Variants in CALCR observed in about 807,000 individuals in gnomAD.
The protein encoded by CALCR is calcitonin receptor.
In CALCR, 47 loss-of-function variants were observed where a neutral mutation model predicts 59.5. The ratio of observed to expected loss-of-function variants is 0.79; its 90% CI spans 0.63 to 1.01. The LOEUF is 1.01. CALCR is among the 50% of genes least tolerant of loss of function. The pLI, the probability that CALCR is intolerant of heterozygous loss-of-function variation, is 0.00. For synonymous variants in CALCR, 213 were observed against 211.3 expected, an observed-to-expected ratio of 1.01 and a Z score of -0.07; for missense variants, 566 against 597.1, an observed-to-expected ratio of 0.95 and a Z score of 0.54.
chr7:93,472,258 T>C, intron 6 of CALCR, 117 bp downstream of exon 6: 1 of 636,500 alleles, frequency 1.6e-6, no homozygotes, highest in South Asian at 2.0e-5. Context: ...TATCATATGA[T>C]TTCTTTCCAC....
At chr7:93,439,201 G>C (rs1014392048) in intron 9 of CALCR, among the ~76,000 whole-genome samples, 1 of 152,104 alleles carries the variant, frequency 6.6e-6, no homozygotes, top group Non-Finnish European at 1.5e-5. Context: ...ATACAAAAAG[G>C]GGTCTCAAAA....
At chr7:93,458,301 A>G (rs1800249123) in intron 8 of CALCR, among the ~76,000 whole-genome samples, 1 of 152,190 alleles carries the variant, frequency 6.6e-6, no homozygotes, top group African/African-American at 2.4e-5. Context: ...TGCTCTGGGC[A>G]GATTTCACGC....
intron 7 of CALCR, among the ~76,000 whole-genome samples, chr7:93,467,919 A>G (rs12154758): frequency 0.37 from 55,484 of 151,336 alleles, 11,611 homozygotes; most frequent in South Asian, 0.49. Context: ...AGTTTCTAAC[A>G]TTTTTACTGA....
At chr7:93,514,818 G>A (rs1490473265) in intron 2 of CALCR, among the ~76,000 whole-genome samples, 2 of 151,960 alleles carry the variant, frequency 1.3e-5, no homozygotes, top group Non-Finnish European at 2.9e-5. Flanking sequence ...CTATTATTCA[G>A]AGACAATAGC....
chr7:93,556,842 A>G (rs981176963), intron 2 of CALCR, among the ~76,000 whole-genome samples: 2 of 152,070 alleles, frequency 1.3e-5, no homozygotes, highest in African/African-American at 4.8e-5. Flanking sequence ...AATACTACAA[A>G]TGATATTGCA....
At chr7:93,525,848 C>T (rs1043529820) in intron 2 of CALCR, among the ~76,000 whole-genome samples, 1 of 152,120 alleles carries the variant, frequency 6.6e-6, no homozygotes, top group Admixed American at 6.6e-5. Flanking sequence ...TTAAAAGTGA[C>T]TGATTTTGGA....
intron 9 of CALCR, among the ~76,000 whole-genome samples, chr7:93,442,664 G>A (rs1360072224): frequency 6.6e-6 from 1 of 152,118 alleles, no homozygotes; most frequent in Non-Finnish European, 1.5e-5. Flanking sequence ...TCCCCAGCCT[G>A]CTGCATTAAA....
intron 2 of CALCR, among the ~76,000 whole-genome samples, chr7:93,539,255 G>T (rs1789068417): frequency 6.6e-6 from 1 of 152,032 alleles, no homozygotes; most frequent in African/African-American, 2.4e-5. Flanking sequence ...AGCATATGAT[G>T]ATCTACATTT....
intron 2 of CALCR, among the ~76,000 whole-genome samples, chr7:93,528,280 A>T (rs956759700): frequency 1.3e-5 from 2 of 152,212 alleles, no homozygotes; most frequent in African/African-American, 4.8e-5. Flanking sequence ...TGAGAAATTT[A>T]AAATTTTTTT....
At chr7:93,501,663 C>T (rs540562476) in intron 2 of CALCR, among the ~76,000 whole-genome samples, 3 of 152,052 alleles carry the variant, frequency 2.0e-5, no homozygotes, top group Non-Finnish European at 4.4e-5. Flanking sequence ...CATCTTGTAT[C>T]TCCTCACCTC....
intron 2 of CALCR, among the ~76,000 whole-genome samples, chr7:93,552,519 C>G (rs576661723): frequency 1.3e-5 from 2 of 152,176 alleles, no homozygotes; most frequent in South Asian, 2.1e-4. Context: ...CTTTGTGAAC[C>G]CATTGATAGG....
intron 3 of CALCR, 120 bp downstream of exon 3, chr7:93,486,811 G>A: frequency 1.4e-6 from 1 of 701,382 alleles, no homozygotes; most frequent in Non-Finnish European, 2.5e-6. Flanking sequence ...GAGGAACTTA[G>A]TTTCGGCTTC....
intron 2 of CALCR, among the ~76,000 whole-genome samples, chr7:93,499,683 T>C (rs775998833): frequency 1.3e-5 from 2 of 151,798 alleles, no homozygotes; most frequent in African/African-American, 4.8e-5. Context: ...GGTAAATATA[T>C]GATTGGTTAA....
intron 5 of CALCR, among the ~76,000 whole-genome samples, chr7:93,473,211 T>TGGGGTG (rs1297382551): frequency 6.6e-6 from 1 of 151,860 alleles, no homozygotes; most frequent in East Asian, 1.9e-4. Flanking sequence ...ATTAAAGATC[T>TGGGGTG]CCACCTTCGC....
intron 8 of CALCR, among the ~76,000 whole-genome samples, chr7:93,447,867 T>C (rs958264133): frequency 1.3e-5 from 2 of 151,968 alleles, no homozygotes; most frequent in Non-Finnish European, 2.9e-5. Flanking sequence ...TTTTGTCCTA[T>C]CACTCTTTGA....
chr7:93,561,218 CTCAG>C (rs1789739206), intron 2 of CALCR, among the ~76,000 whole-genome samples: 1 of 152,126 alleles, frequency 6.6e-6, no homozygotes, highest in African/African-American at 2.4e-5. Flanking sequence ...ATGCACATGA[CTCAG>C]TCAAAGTTTA....
chr7:93,468,927 C>T (rs183189808), intron 6 of CALCR, 121 bp from the exon 7 acceptor site: 199 of 480,322 alleles, frequency 4.1e-4, no homozygotes, highest in Non-Finnish European at 6.4e-4. Context: ...AAACCTACTA[C>T]AATTATAACA....
chr7:93,460,459 G>A (rs2115803056), intron 8 of CALCR, among the ~76,000 whole-genome samples: 1 of 150,250 alleles, frequency 6.7e-6, no homozygotes, highest in Non-Finnish European at 1.5e-5. Flanking sequence ...AGGAGGCTGA[G>A]GCAGGAGAAT....
intron 5 of CALCR, among the ~76,000 whole-genome samples, chr7:93,476,057 G>A (rs1800659596): frequency 1.3e-5 from 2 of 151,752 alleles, no homozygotes. Context: ...ACAGGGGTCA[G>A]GCATCTGCAT....
Sources: allele counts gnomAD v4.1 joint callset (sites outside exome capture counted in the v4.1 genomes callset), GRCh38; gene constraint gnomAD v4.1.1; transcripts MANE v1.5; gene names NCBI Gene and HGNC (gene_info 2026-07-23, HGNC 2026-07-21).